The following TRAPPC3L variants were observed in gnomAD, a reference collection of about 807,000 sequenced individuals.
TRAPPC3L encodes trafficking protein particle complex subunit 3-like protein.
In TRAPPC3L, 23 loss-of-function variants were observed where a neutral mutation model predicts 23.7. The observed-to-expected ratio is 0.97, with a 90% CI of 0.70 to 1.37. TRAPPC3L has a LOEUF of 1.37. Ranked by LOEUF, TRAPPC3L falls within the 40% of genes most tolerant of loss-of-function variation. TRAPPC3L has a pLI of 0.00. For missense variants in TRAPPC3L, 212 were observed against 216.8 expected (o/e 0.98, Z 0.14); for synonymous variants, 81 against 77.9 (o/e 1.04, Z -0.21).
rs1472295587 is a variant in TRAPPC3L at position 116,528,527 on chromosome 6, C to T, written c.240+11836G>A. On this transcript the variant is annotated intron_variant, in intron 3 of 4. Transcript: ENST00000368602. Reference sequence around the variant, plus strand: ...ATAATCTATCTGCCATATTTCTGGCCCAAATTGTAAGATGTCTTAAAATAA... The same window carrying T: ...ATAATCTATCTGCCATATTTCTGGCTCAAATTGTAAGATGTCTTAAAATAA... 2.0e-5 allele frequency among the ~76,000 whole-genome samples: 3 copies of T among 152,054 alleles called. No individual in the cohort carries two copies. In the East Asian group the frequency reaches 5.8e-4, roughly 29 times the overall value.
chr6:116,514,303 A>G (rs1024610499), intron 3 of TRAPPC3L, among the ~76,000 whole-genome samples: 5 of 152,188 alleles, frequency 3.3e-5, no homozygotes, highest in African/African-American at 1.2e-4. Flanking sequence ...GCTGTGGAAA[A>G]AGAGGAAGAC....
chr6:116,502,493 G>A (rs1376203553), intron 3 of TRAPPC3L, among the ~76,000 whole-genome samples: 1 of 152,094 alleles, frequency 6.6e-6, no homozygotes, highest in Non-Finnish European at 1.5e-5. Flanking sequence ...TAGCAAGGCA[G>A]GTCAGCATTC....
At chr6:116,507,862 G>A (rs949656419) in intron 3 of TRAPPC3L, among the ~76,000 whole-genome samples, 5 of 152,212 alleles carry the variant, frequency 3.3e-5, no homozygotes, top group Admixed American at 3.3e-4. Flanking sequence ...AAGAAATCTT[G>A]CAGACTGTGT....
Position 116,496,987 on chromosome 6 carries a change from CT to C in TRAPPC3L, c.512del (p.Lys171SerfsTer14). 6.5e-7 allele frequency: 1 copy of C among 1,546,138 alleles called. No individual in the cohort carries two copies. The highest frequency in any genetic ancestry group is 1.4e-5 in the African/African-American group (1 of 72,578). ...TCCCTCTATATTTTTTCTCGTCTCGCTTTTTTAGAAATGTTATTCCTATTTC... is the reference window on the plus strand; with the variant it reads ...TCCCTCTATATTTTTTCTCGTCTCGCTTTTTAGAAATGTTATTCCTATTTC... ...VTEIGITFLK[K>X]RDEKKYRGKK On this transcript the variant is annotated frameshift_variant, in exon 5 of 5. Coordinates refer to ENST00000368602, the MANE Select transcript of TRAPPC3L (RefSeq NM_001139444.3). LOFTEE classifies it high-confidence loss of function.
chr6:116,537,661 T>G (rs1008886867), intron 3 of TRAPPC3L, among the ~76,000 whole-genome samples: 2 of 152,194 alleles, frequency 1.3e-5, no homozygotes, highest in African/African-American at 4.8e-5. Flanking sequence ...TAGTTCCTCA[T>G]GGAAGGGACT....
intron 3 of TRAPPC3L, chr6:116,523,798 G>C (rs1772390405): frequency 6.6e-6 from 1 of 151,974 alleles, no homozygotes; most frequent in East Asian, 1.9e-4. Flanking sequence ...AAGGCAATTA[G>C]CACCACAAAA....
At chr6:116,515,222 G>A (rs554656151) in intron 3 of TRAPPC3L, among the ~76,000 whole-genome samples, 1 of 152,212 alleles carries the variant, frequency 6.6e-6, no homozygotes, top group East Asian at 1.9e-4. Context: ...TGAAGAGCTG[G>A]TCATTTACTC....
rs1217545840 is a variant in TRAPPC3L at position 116,496,283 on chromosome 6, A to G, written c.*671T>C. On this transcript the variant is annotated 3_prime_UTR_variant, in exon 5 of 5. Transcript: ENST00000368602. ...TAGAAGTTTCCTGGCCTGACCATCA[A>G]GCAATATTTCATGAGAAAAGGAAGG... is the stretch of plus-strand genomic sequence containing the variant. The G allele has an allele frequency of 6.6e-6, 1 of 152,184 alleles. No individual in the cohort carries two copies. The highest frequency in any genetic ancestry group is 1.5e-5 in the Non-Finnish European group (1 of 68,026). The allele number at this position is 152,184 out of a possible 1,614,324, so 9.4% of individuals were successfully genotyped here.
At chr6:116,537,850 C>G (rs1210838496) in intron 3 of TRAPPC3L, among the ~76,000 whole-genome samples, 2 of 152,082 alleles carry the variant, frequency 1.3e-5, no homozygotes, top group African/African-American at 2.4e-5. Context: ...GAGTAAATAC[C>G]CAGTAAGAAG....
At chr6:116,533,355 A>C (rs1228568272) in intron 3 of TRAPPC3L, among the ~76,000 whole-genome samples, 2 of 152,220 alleles carry the variant, frequency 1.3e-5, no homozygotes, top group African/African-American at 4.8e-5. Context: ...TCAGAAGAAA[A>C]GTTTGCACAC....
intron 3 of TRAPPC3L, chr6:116,523,866 TC>T (rs1238464263): frequency 6.6e-6 from 1 of 152,112 alleles, no homozygotes; most frequent in Non-Finnish European, 1.5e-5. Context: ...TGACTCAGTC[TC>T]CCCACAGATT....
intron 3 of TRAPPC3L, among the ~76,000 whole-genome samples, chr6:116,510,432 C>A (rs897249029): frequency 1.4e-5 from 2 of 146,886 alleles, no homozygotes; most frequent in Non-Finnish European, 3.0e-5. Flanking sequence ...CAGGTGCATG[C>A]CACCGAGCCT....
chr6:116,504,162 C>T (rs1377799418), intron 3 of TRAPPC3L, among the ~76,000 whole-genome samples: 1 of 152,012 alleles, frequency 6.6e-6, no homozygotes, highest in African/African-American at 2.4e-5. Context: ...AAGACAGAAT[C>T]ATCAAGTAGA....
chr6:116,499,123 G>C (rs1375143601), intron 4 of TRAPPC3L, among the ~76,000 whole-genome samples: 1 of 152,162 alleles, frequency 6.6e-6, no homozygotes, highest in East Asian at 1.9e-4. Context: ...TCTTGGTTTT[G>C]TTCCTCTTGG....
At chr6:116,540,623 G>A (rs1033144240) in intron 2 of TRAPPC3L, among the ~76,000 whole-genome samples, 161 bp from the exon 3 acceptor site, 4 of 151,908 alleles carry the variant, frequency 2.6e-5, no homozygotes, top group African/African-American at 9.7e-5. Flanking sequence ...CTTCTTATTC[G>A]CCCCACAGAC....
chr6:116,512,390 A>G, intron 3 of TRAPPC3L: 1 of 860,434 alleles, frequency 1.2e-6, no homozygotes, highest in Non-Finnish European at 1.7e-6. Context: ...TCTCAGGAAA[A>G]GCTTTTGAAA....
chr6:116,500,631 A>G lies in TRAPPC3L; in HGVS notation c.276T>C (p.Ser92=). The change falls in exon 4 of 5, where the codon AGT becomes AGC. Residue 92 remains serine, a synonymous_variant. Transcript: ENST00000368602. ...AFKMYLGITP[S]VTCNNSSKNE... is the part of the protein sequence containing the mutation. ...TTTTGCTTGAATTGTTACAGGTCAC[A>G]CTTGGTGTAATTCCCAGGTACATCT... 6.4e-7 allele frequency: 1 copy of G among 1,551,606 alleles called. No individual in the cohort carries two copies. Among genetic ancestry groups the G allele is most frequent in the Non-Finnish European group, 8.7e-7 (1 of 1,146,972 alleles).
chr6:116,515,318 C>T (rs1772201356), intron 3 of TRAPPC3L, among the ~76,000 whole-genome samples: 2 of 152,164 alleles, frequency 1.3e-5, no homozygotes, highest in Admixed American at 6.6e-5. Context: ...CTTATGTAAT[C>T]TATACTTTGT....
At chr6:116,545,252 T>TTG (rs1433625873) in intron 1 of TRAPPC3L, among the ~76,000 whole-genome samples, 2 of 152,114 alleles carry the variant, frequency 1.3e-5, no homozygotes, top group African/African-American at 4.8e-5. Context: ...ATATAATTAG[T>TTG]CAGAAAAGAA....
Sources: gnomAD v4.1 joint callset for allele counts (sites outside exome capture counted in the v4.1 genomes callset) on GRCh38, gnomAD v4.1.1 for gene constraint, MANE v1.5 for transcripts, NCBI Gene and HGNC (gene_info 2026-07-23, HGNC 2026-07-21) for gene names.